The following CPSF4 variants were observed in gnomAD, a reference collection of about 807,000 sequenced individuals.
CPSF4 encodes cleavage and polyadenylation specificity factor subunit 4.
CPSF4 carries 11 observed loss-of-function variants against 37.7 expected under a neutral mutation model. The observed-to-expected ratio is 0.29, with a 90% CI of 0.18 to 0.48. The LOEUF (loss-of-function observed/expected upper bound fraction) is 0.48. Ranked by LOEUF, CPSF4 falls within the 20% of genes least tolerant of loss-of-function variation. The pLI, the probability that CPSF4 is intolerant of heterozygous loss-of-function variation, is 0.99. For missense variants in CPSF4, 144 were observed against 359.5 expected, an observed-to-expected ratio of 0.40 and a Z score of 4.85; for synonymous variants, 132 against 135.9, an observed-to-expected ratio of 0.97 and a Z score of 0.20.
intron 1 of CPSF4, among the ~76,000 whole-genome samples, chr7:99,441,775 C>T (rs1056132473): frequency 2.6e-5 from 4 of 152,122 alleles, no homozygotes; most frequent in Non-Finnish European, 5.9e-5. Flanking sequence ...TCACTGCAAC[C>T]TCTGCCTCTG....
intron 4 of CPSF4, 65 bp from the exon 5 acceptor site, chr7:99,450,637 A>G: frequency 7.6e-7 from 1 of 1,315,464 alleles, no homozygotes. Flanking sequence ...CAGCATTTGA[A>G]ACCATGCTCC....
At chr7:99,454,920 T>C (rs1798201520) in intron 7 of CPSF4, among the ~76,000 whole-genome samples, 1 of 152,042 alleles carries the variant, frequency 6.6e-6, no homozygotes, top group Admixed American at 6.6e-5. Context: ...CTGGGTGTGG[T>C]GGTGCACGCC....
At chr7:99,442,740 T>G in intron 1 of CPSF4, 1 of 559,442 alleles carries the variant, frequency 1.8e-6, no homozygotes. Flanking sequence ...CAGCAATAAG[T>G]CAAACTGCCG....
At position 99,453,589 on chromosome 7, in the gene CPSF4, T is replaced by C. The variant is rs1206085782; in HGVS notation, c.571-377T>C. ...CAGGCTCCAACTGTTTTTCTGTGAC[T>C]TGCTCGCCGTGTAGGCTGCTAAACA... On this transcript the variant is annotated intron_variant, in intron 6 of 7. Coordinates refer to ENST00000292476, the MANE Select transcript of CPSF4 (RefSeq NM_006693.4). The surrounding 1 kb of genome is among the most constrained non-coding windows in gnomAD (Gnocchi z 4.7). The C allele has an allele frequency of 6.0e-6, 1 of 167,846 alleles. No individual in the cohort carries two copies. The highest frequency in any genetic ancestry group is 1.8e-4 in the East Asian group (1 of 5,686). The allele number at this position is 167,846 out of a possible 1,614,324, so 10.4% of individuals were successfully genotyped here.
At position 99,450,803 on chromosome 7, in the gene CPSF4, G is replaced by C. The variant is rs773611678; in HGVS notation, c.497+8G>C. On this transcript the variant is annotated splice_region_variant and intron_variant, in intron 5 of 7. Transcript: ENST00000292476. ...CTCGTGTAAATTCATGCAGTGAGTA[G>C]CCAGCTGCTCCGCCCTCTACCCCAG... is the stretch of plus-strand genomic sequence containing the variant. The C allele has an allele frequency of 1.2e-6, 2 of 1,605,846 alleles. No homozygotes were observed. The highest frequency in any genetic ancestry group is 1.7e-6 in the Non-Finnish European group (2 of 1,173,274).
At chr7:99,442,215 A>G (rs879920340) in intron 1 of CPSF4, among the ~76,000 whole-genome samples, 1 of 152,204 alleles carries the variant, frequency 6.6e-6, no homozygotes, top group Non-Finnish European at 1.5e-5. Context: ...TCTGATGCCA[A>G]GGTCAGTTTA....
At chr7:99,444,900 G>C in intron 2 of CPSF4, 61 bp downstream of exon 2, 4 of 1,469,984 alleles carry the variant, frequency 2.7e-6, no homozygotes, top group Non-Finnish European at 3.8e-6. Context: ...CCTTCTCCCC[G>C]GCAGACTTGG....
intron 1 of CPSF4, chr7:99,443,559 A>G (rs1303185509): frequency 3.4e-6 from 2 of 586,314 alleles, no homozygotes; most frequent in East Asian, 3.0e-5. Context: ...CGGTGGCTCA[A>G]TCCTAGCACT....
At chr7:99,450,421 C>A (rs1219600684) in intron 4 of CPSF4, 50 bp downstream of exon 4, 2 of 1,332,946 alleles carry the variant, frequency 1.5e-6, no homozygotes, top group Admixed American at 1.7e-5. Context: ...GTCCTCCCTT[C>A]TCTGCCCACG....
At chr7:99,450,071 A>T (rs1562862302) in intron 3 of CPSF4, among the ~76,000 whole-genome samples, 1 of 152,180 alleles carries the variant, frequency 6.6e-6, no homozygotes, top group South Asian at 2.1e-4. Context: ...GTGAAGAGCC[A>T]ATCAGAATGG....
intron 2 of CPSF4, among the ~76,000 whole-genome samples, chr7:99,445,275 C>A (rs1287263247): frequency 6.6e-6 from 1 of 152,104 alleles, no homozygotes; most frequent in Non-Finnish European, 1.5e-5. Flanking sequence ...GGGTCTTGTT[C>A]TCGATAACCA....
chr7:99,438,986 AAGG>A lies in CPSF4; in HGVS notation c.-91_-89del, dbSNP rs1013465580. ...GCGGCGGCGGCGGCGAGGCGAAGCG[AAGG>A]AGGAGTGTGTGCGGCGGGGCCGGCG... On this transcript the variant is annotated 5_prime_UTR_variant, in exon 1 of 8. Coordinates refer to ENST00000292476, the MANE Select transcript of CPSF4 (RefSeq NM_006693.4). 3.6e-5 allele frequency: 44 copies of A among 1,220,102 alleles called. No homozygotes were observed. The highest frequency in any genetic ancestry group is 1.8e-4 in the South Asian group (12 of 64,878). The allele number at this position is 1,220,102 out of a possible 1,614,324, so 75.6% of individuals were successfully genotyped here.
chr7:99,444,801 C>T lies in CPSF4; in HGVS notation c.116C>T (p.Ala39Val). The T allele has an allele frequency of 6.2e-7, 1 of 1,613,792 alleles. No homozygotes were observed. The highest frequency in any genetic ancestry group is 8.5e-7 in the Non-Finnish European group (1 of 1,179,838). The change falls in exon 2 of 8, where the codon GCT (alanine) becomes GTT (valine). Residue 39 changes from alanine (A) to valine (V), a missense_variant. By Grantham distance (64) the Ala-to-Val change is moderately conservative. Transcript: ENST00000292476. ...PFPGMDKSGA[A>V]VCEFFLKAAC... Reference sequence around the variant, plus strand: ...CTCCTTTCTACAGAGTCGGGCGCTGCTGTCTGTGAATTCTTTTTGAAAGCT... The same window carrying T: ...CTCCTTTCTACAGAGTCGGGCGCTGTTGTCTGTGAATTCTTTTTGAAAGCT...
chr7:99,454,214 G>A lies in CPSF4; in HGVS notation c.741+78G>A, dbSNP rs1562866011. On this transcript the variant is annotated intron_variant, in intron 7 of 7. Coordinates refer to ENST00000292476, the MANE Select transcript of CPSF4 (RefSeq NM_006693.4). ...CATTCCCTCATGCCCCATGTGTTTGGTGAAATGAGAAAAATGAAAACATTC... is the reference window on the plus strand; with the variant it reads ...CATTCCCTCATGCCCCATGTGTTTGATGAAATGAGAAAAATGAAAACATTC... The A allele has an allele frequency of 6.9e-6, 9 of 1,304,416 alleles. No individual in the cohort carries two copies. The East Asian group carries it at 1.6e-4, about 24-fold the overall frequency. The allele number at this position is 1,304,416 out of a possible 1,614,324, so 80.8% of individuals were successfully genotyped here. A position where few individuals can be genotyped will look rare whatever the true frequency, so the allele number is the denominator to read the frequency against.
At chr7:99,447,880 G>A (rs1198384824) in intron 2 of CPSF4, 1 of 566,532 alleles carries the variant, frequency 1.8e-6, no homozygotes, top group Non-Finnish European at 3.3e-6. Flanking sequence ...AAAGTGCTGG[G>A]ATTACCAGCG....
chr7:99,446,112 A>G (rs1797469276), intron 2 of CPSF4, among the ~76,000 whole-genome samples: 1 of 152,216 alleles, frequency 6.6e-6, no homozygotes, highest in South Asian at 2.1e-4. Context: ...GAGGTAGGAG[A>G]CTTTCTGGCA....
chr7:99,442,655 C>CAAAAAAAAAAA (rs751146641), intron 1 of CPSF4, among the ~76,000 whole-genome samples: 49 of 52,300 alleles, frequency 9.4e-4, no homozygotes, highest in African/African-American at 1.9e-3. Context: ...GACTCCGTCT[C>CAAAAAAAAAAA]AAAAAAAAAA....
intron 1 of CPSF4, among the ~76,000 whole-genome samples, chr7:99,440,233 C>CGCCCA (rs918305622): frequency 3.9e-5 from 6 of 152,126 alleles, no homozygotes; most frequent in African/African-American, 1.4e-4. Flanking sequence ...TGTGTGCTGT[C>CGCCCA]GCCCACAACT....
intron 1 of CPSF4, among the ~76,000 whole-genome samples, chr7:99,442,422 C>G (rs1216657639): frequency 1.3e-5 from 2 of 151,886 alleles, no homozygotes; most frequent in East Asian, 3.9e-4. Context: ...TTTGGGAGGC[C>G]GAGGCGGGCG....
Sources: allele counts gnomAD v4.1 joint callset (sites outside exome capture counted in the v4.1 genomes callset), GRCh38; gene constraint gnomAD v4.1.1; non-coding constraint Gnocchi (gnomAD v3.1); transcripts MANE v1.5; gene names NCBI Gene and HGNC (gene_info 2026-07-23, HGNC 2026-07-21).